Variants in SHANK2 observed in about 807,000 individuals in gnomAD.
The protein encoded by SHANK2 is SH3 and multiple ankyrin repeat domains protein 2.
Under a neutral mutation model 133.7 loss-of-function variants are expected in SHANK2, and 43 were observed. That is an observed-to-expected ratio of 0.32 (90% CI 0.25 to 0.41). The LOEUF (loss-of-function observed/expected upper bound fraction) is 0.41. SHANK2 is among the 10% of genes least tolerant of loss of function. SHANK2 has a pLI of 1.00. For missense variants in SHANK2, 1,994 were observed against 2,235.8 expected (o/e 0.89, Z 2.18); for synonymous variants, 1,017 against 952.8 (o/e 1.07, Z -1.24).
chr11:70,874,758 G>A (rs1004779979), intron 11 of SHANK2, among the ~76,000 whole-genome samples: 3 of 148,990 alleles, frequency 2.0e-5, no homozygotes, highest in Admixed American at 1.3e-4. Flanking sequence ...TGAAAACTCC[G>A]AGTGGCTACC....
intron 15 of SHANK2, among the ~76,000 whole-genome samples, chr11:70,663,713 G>C (rs1944625318): frequency 6.6e-6 from 1 of 152,266 alleles, no homozygotes; most frequent in South Asian, 2.1e-4. Context: ...CTAAGTGCAG[G>C]GAGGTCCACT....
Position 71,127,041 on chromosome 11 carries a change from T to C in SHANK2, c.208-8009A>G, listed in dbSNP as rs1952205323. The stretch of plus-strand genomic sequence containing the variant: ...CGATTCATAAGTGGAGGTGAAAATA[T>C]CAACATTAAGTTTGGAAGAAGTTGA... On this transcript the variant is annotated intron_variant, in intron 3 of 25. Coordinates refer to ENST00000601538, the MANE Select transcript of SHANK2 (RefSeq NM_012309.5). 2.0e-5 allele frequency among the ~76,000 whole-genome samples: 3 copies of C among 152,344 alleles called. No individual in the cohort carries two copies. In the South Asian group the frequency reaches 6.2e-4, roughly 32 times the overall value.
rs1265119063 is a variant in SHANK2 at position 71,210,246 on chromosome 11, ATATATATT to A, written c.-13+14443_-13+14450del. On this transcript the variant is annotated intron_variant, in intron 2 of 25. Transcript: ENST00000601538. ...TATATATATATATATATATATATATATATATATTTATTTATTTTTTGAAACAGAGTCTC... is the reference window on the plus strand; with the variant it reads ...TATATATATATATATATATATATATATATTTATTTTTTGAAACAGAGTCTC... 5.7e-4 allele frequency among the ~76,000 whole-genome samples: 59 copies of A among 104,420 alleles called. 1 individual carries two copies. Among genetic ancestry groups the A allele is most frequent in the Middle Eastern group, 4.2e-3 (1 of 236 alleles). The allele number at this position is 104,420 out of a possible 152,430, so 68.5% of individuals were successfully genotyped here.
At chr11:70,695,584 C>T (rs187046838) in intron 15 of SHANK2, among the ~76,000 whole-genome samples, 23 of 152,332 alleles carry the variant, frequency 1.5e-4, no homozygotes, top group Non-Finnish European at 2.2e-4. Flanking sequence ...GTACCATCCT[C>T]ACCGCGGGAG....
At chr11:71,143,119 C>T (rs1182295394) in intron 3 of SHANK2, among the ~76,000 whole-genome samples, 3 of 152,190 alleles carry the variant, frequency 2.0e-5, no homozygotes, top group African/African-American at 7.2e-5. Context: ...CCTGAAATCC[C>T]AGCAACTTGG....
At chr11:70,701,047 G>A (rs782365389) in intron 14 of SHANK2, among the ~76,000 whole-genome samples, 3 of 152,212 alleles carry the variant, frequency 2.0e-5, no homozygotes, top group South Asian at 2.1e-4. Flanking sequence ...GCTTTGTGCT[G>A]GCTGTCTAGG....
At chr11:71,181,821 GC>G (rs764036991) in intron 2 of SHANK2, among the ~76,000 whole-genome samples, 2 of 144,602 alleles carry the variant, frequency 1.4e-5, no homozygotes, top group Non-Finnish European at 3.0e-5. Context: ...CAGGTTCCCA[GC>G]CCCCCCTCCC....
At chr11:71,237,150 G>A (rs1954835232) in intron 1 of SHANK2, among the ~76,000 whole-genome samples, 1 of 152,218 alleles carries the variant, frequency 6.6e-6, no homozygotes, top group Admixed American at 6.5e-5. Context: ...TGCAGACCAT[G>A]GCATCCTGAA....
chr11:70,557,451 T>C (rs2059848095), intron 17 of SHANK2, among the ~76,000 whole-genome samples: 1 of 152,192 alleles, frequency 6.6e-6, no homozygotes, highest in African/African-American at 2.4e-5. Flanking sequence ...ACAGATGTTC[T>C]GGATGCTCAG....
At chr11:71,174,452 C>T (rs10897728) in intron 2 of SHANK2, among the ~76,000 whole-genome samples, 53,533 of 151,742 alleles carry the variant, frequency 0.35, 10,788 homozygotes, top group Admixed American at 0.53. Context: ...GAGGCCGAGG[C>T]AGGCGGATCA....
intron 1 of SHANK2, among the ~76,000 whole-genome samples, chr11:71,237,882 G>A (rs968093282): frequency 2.0e-4 from 30 of 152,328 alleles, no homozygotes; most frequent in Admixed American, 2.0e-4. Flanking sequence ...CACGAAGGCC[G>A]AAAAGGATGA....
At chr11:70,942,273 G>A (rs889001921) in intron 10 of SHANK2, among the ~76,000 whole-genome samples, 11 of 152,292 alleles carry the variant, frequency 7.2e-5, no homozygotes, top group African/African-American at 2.2e-4. Context: ...CTTGGCTTCT[G>A]GTGAGGGTTT....
chr11:71,122,192 C>T (rs1952094359), intron 3 of SHANK2, among the ~76,000 whole-genome samples: 1 of 152,188 alleles, frequency 6.6e-6, no homozygotes, highest in Non-Finnish European at 1.5e-5. Context: ...AAGACACATG[C>T]ACACGTATGT....
chr11:71,211,702 T>A (rs1229321336), intron 2 of SHANK2, among the ~76,000 whole-genome samples: 1 of 149,858 alleles, frequency 6.7e-6, no homozygotes, highest in Admixed American at 6.6e-5. Context: ...AGCTCCCCCA[T>A]CCTCTCCCTC....
At chr11:70,937,156 G>A (rs1950583237) in intron 10 of SHANK2, among the ~76,000 whole-genome samples, 1 of 152,158 alleles carries the variant, frequency 6.6e-6, no homozygotes, top group South Asian at 2.1e-4. Flanking sequence ...GGACCTCTGG[G>A]TTCCTCAGGA....
At chr11:70,618,758 G>A (rs2060790955) in intron 17 of SHANK2, among the ~76,000 whole-genome samples, 1 of 152,220 alleles carries the variant, frequency 6.6e-6, no homozygotes, top group African/African-American at 2.4e-5. Context: ...CTGAGCATTT[G>A]TCATTGTGTG....
intron 2 of SHANK2, among the ~76,000 whole-genome samples, chr11:71,153,678 A>G (rs1555108539): frequency 6.6e-6 from 1 of 152,262 alleles, no homozygotes; most frequent in African/African-American, 2.4e-5. Context: ...TAAAACTGCA[A>G]GAGTTCAGCC....
chr11:70,860,111 C>T (rs1555067497), intron 11 of SHANK2, among the ~76,000 whole-genome samples: 2 of 152,204 alleles, frequency 1.3e-5, no homozygotes, highest in African/African-American at 2.4e-5. Flanking sequence ...GCTCCCTTCA[C>T]ATGGTAGGAG....
At chr11:71,112,820 A>AGTGCATTC (rs58855787) in intron 5 of SHANK2, among the ~76,000 whole-genome samples, 42,694 of 151,746 alleles carry the variant, frequency 0.28, 6,925 homozygotes, top group East Asian at 0.58. Context: ...CTCAAGGCAT[A>AGTGCATTC]GTGCATTCCG....
Sources: gnomAD v4.1 joint callset for allele counts (sites outside exome capture counted in the v4.1 genomes callset) on GRCh38, gnomAD v4.1.1 for gene constraint, MANE v1.5 for transcripts, NCBI Gene and HGNC (gene_info 2026-07-23, HGNC 2026-07-21) for gene names.